The following TYW1 variants were observed in gnomAD, a reference collection of about 807,000 sequenced individuals.
TYW1 encodes tRNA-yW synthesizing protein 1 homolog.
Under a neutral mutation model 96.2 loss-of-function variants are expected in TYW1, and 46 were observed. The observed-to-expected ratio is 0.48, with a 90% CI of 0.38 to 0.61. The LOEUF (loss-of-function observed/expected upper bound fraction) is 0.61, where lower values mean the gene tolerates loss of function less well. Ranked by LOEUF, TYW1 falls within the 20% of genes least tolerant of loss-of-function variation. TYW1 has a pLI of 0.00. For synonymous variants in TYW1, 274 were observed against 323.0 expected, an observed-to-expected ratio of 0.85 and a Z score of 1.63; for missense variants, 684 against 909.6, an observed-to-expected ratio of 0.75 and a Z score of 3.19.
intron 11 of TYW1, chr7:67,089,395 G>A: frequency 1.6e-6 from 2 of 1,249,524 alleles, no homozygotes; most frequent in South Asian, 1.2e-5. Flanking sequence ...CTGGTGGGGA[G>A]GCCTGCTGGT....
At chr7:67,025,388 A>C (rs1371253462) in intron 7 of TYW1, among the ~76,000 whole-genome samples, 2 of 152,098 alleles carry the variant, frequency 1.3e-5, no homozygotes, top group Non-Finnish European at 2.9e-5. Flanking sequence ...ATCGCAAAAT[A>C]AATCTCATAA....
chr7:67,127,183 G>A (rs923626342), intron 13 of TYW1, among the ~76,000 whole-genome samples: 44 of 143,360 alleles, frequency 3.1e-4, no homozygotes, highest in Admixed American at 1.8e-3. Context: ...TTTCGAGATC[G>A]AGTCTCACTC....
At chr7:67,222,873 T>TC (rs1461737186) in intron 15 of TYW1, among the ~76,000 whole-genome samples, 2 of 150,304 alleles carry the variant, frequency 1.3e-5, no homozygotes, top group East Asian at 1.9e-4. Context: ...TTTCTTTTTT[T>TC]TTTTTTTTTT....
At position 67,232,854 on chromosome 7, in the gene TYW1, G is replaced by C. The variant is rs1041834829; in HGVS notation, c.1978-5454G>C. 3.8e-5 allele frequency among the ~76,000 whole-genome samples: 3 copies of C among 79,550 alleles called. 1 individual carries two copies. Among genetic ancestry groups the C allele is most frequent in the Non-Finnish European group, 7.4e-5 (3 of 40,718 alleles). 52.2% of individuals were successfully genotyped at this position (79,550 alleles called of 152,430 possible). The stretch of plus-strand genomic sequence containing the variant: ...GAAGAAACCTCTAAGCATCTGTCGG[G>C]GCATGGAGTGGGCAGGTGCTCAGCT... On this transcript the variant is annotated intron_variant, in intron 15 of 15. Transcript: ENST00000359626.
At chr7:67,203,799 A>G (rs1800676914) in intron 15 of TYW1, among the ~76,000 whole-genome samples, 1 of 152,118 alleles carries the variant, frequency 6.6e-6, no homozygotes, top group African/African-American at 2.4e-5. Context: ...TTCCTTTAGC[A>G]ATTCTCTTAG....
intron 7 of TYW1, among the ~76,000 whole-genome samples, chr7:67,029,415 G>GTGTGTGTGTATATATATATA (rs1241213574): frequency 1.1e-5 from 1 of 94,320 alleles, no homozygotes; most frequent in Non-Finnish European, 2.2e-5. Flanking sequence ...GTGTGTGTGT[G>GTGTGTGTGTATATATATATA]TATATATATA....
intron 10 of TYW1, among the ~76,000 whole-genome samples, chr7:67,077,410 A>G (rs1156425610): frequency 2.0e-5 from 3 of 152,106 alleles, no homozygotes; most frequent in Non-Finnish European, 4.4e-5. Context: ...AGCATTTGTT[A>G]TTATTTGATA....
At chr7:67,114,367 G>A (rs1797523178) in intron 12 of TYW1, 1 of 153,608 alleles carries the variant, frequency 6.5e-6, no homozygotes, top group Non-Finnish European at 1.5e-5. Flanking sequence ...AGCCTTGGAA[G>A]GTAGAAAGAG....
intron 11 of TYW1, among the ~76,000 whole-genome samples, chr7:67,083,974 G>A (rs1349208456): frequency 2.0e-5 from 3 of 152,186 alleles, no homozygotes; most frequent in Admixed American, 6.5e-5. Flanking sequence ...GGCAGAGGTT[G>A]CAGTGAGCCA....
chr7:67,099,792 T>TG (rs1277201153), intron 12 of TYW1, among the ~76,000 whole-genome samples: 1 of 152,092 alleles, frequency 6.6e-6, no homozygotes, highest in Non-Finnish European at 1.5e-5. Context: ...CACCTGAGGT[T>TG]GAGAGTTCAA....
At chr7:67,007,674 C>T (rs1424877659) in intron 3 of TYW1, among the ~76,000 whole-genome samples, 2 of 152,070 alleles carry the variant, frequency 1.3e-5, no homozygotes, top group African/African-American at 4.8e-5. Flanking sequence ...GCTCTGTCGT[C>T]CAGGCTGGAG....
chr7:67,118,878 GAAAAAAAA>G (rs60194362), intron 13 of TYW1, among the ~76,000 whole-genome samples: 1 of 72,262 alleles, frequency 1.4e-5, no homozygotes, highest in South Asian at 4.2e-4. Flanking sequence ...ACCCCTATCT[GAAAAAAAA>G]AAAAAAAAAA....
At chr7:67,071,243 G>A in intron 10 of TYW1, among the ~76,000 whole-genome samples, 2 of 151,758 alleles carry the variant, frequency 1.3e-5, no homozygotes, top group East Asian at 3.9e-4. Flanking sequence ...GGTTTTGTTT[G>A]TTTAGTGAGT....
At chr7:67,111,744 T>TTAAA (rs1375111437) in intron 12 of TYW1, among the ~76,000 whole-genome samples, 1 of 152,150 alleles carries the variant, frequency 6.6e-6, no homozygotes, top group African/African-American at 2.4e-5. Flanking sequence ...AACACACTTG[T>TTAAA]TAAATAACCA....
At chr7:67,013,434 C>T (rs1793887394) in intron 4 of TYW1, among the ~76,000 whole-genome samples, 1 of 151,968 alleles carries the variant, frequency 6.6e-6, no homozygotes, top group African/African-American at 2.4e-5. Context: ...ACATCCACTG[C>T]CTTGATATGG....
At chr7:67,052,822 C>T (rs1355945686) in intron 8 of TYW1, among the ~76,000 whole-genome samples, 1 of 152,086 alleles carries the variant, frequency 6.6e-6, no homozygotes. Context: ...ACCTCTGCCT[C>T]CCGGGTTCAA....
intron 11 of TYW1, chr7:67,089,310 C>T (rs1330752332): frequency 2.0e-5 from 27 of 1,374,766 alleles, no homozygotes; most frequent in South Asian, 4.8e-5. Context: ...CCAGGCTCCT[C>T]TGCCTTTTGG....
At chr7:67,095,090 C>T (rs1188902871) in intron 11 of TYW1, among the ~76,000 whole-genome samples, 1 of 151,874 alleles carries the variant, frequency 6.6e-6, no homozygotes, top group Non-Finnish European at 1.5e-5. Flanking sequence ...CCTCCGCCTC[C>T]CGGGTTCAAG....
chr7:67,208,085 T>C (rs1269583033), intron 15 of TYW1, among the ~76,000 whole-genome samples: 1 of 152,094 alleles, frequency 6.6e-6, no homozygotes, highest in Non-Finnish European at 1.5e-5. Flanking sequence ...CCCAGCACTT[T>C]GGGAGGTGGA....
Sources: allele counts gnomAD v4.1 joint callset (sites outside exome capture counted in the v4.1 genomes callset), GRCh38; gene constraint gnomAD v4.1.1; transcripts MANE v1.5; gene names NCBI Gene and HGNC (gene_info 2026-07-23, HGNC 2026-07-21).